VPS13B: variants seen among roughly 807,000 people sequenced by gnomAD.
The protein encoded by VPS13B is vacuolar protein sorting 13 homolog B.
In VPS13B, 285 loss-of-function variants were observed where a neutral mutation model predicts 426.4. The observed-to-expected ratio is 0.67, with a 90% CI of 0.61 to 0.74. VPS13B has a LOEUF of 0.74. Among genes scored for constraint, VPS13B ranks in the 30% least tolerant of loss-of-function variants. The pLI, the probability that VPS13B is intolerant of heterozygous loss-of-function variation, is 0.00. For synonymous variants in VPS13B, 1,676 were observed against 1,676.4 expected (o/e 1.00, Z 0.01); for missense variants, 4,537 against 4,782.6 (o/e 0.95, Z 1.51).
At chr8:99,463,524 A>T (rs1362694918) in intron 23 of VPS13B, among the ~76,000 whole-genome samples, 2 of 152,184 alleles carry the variant, frequency 1.3e-5, no homozygotes, top group Admixed American at 1.3e-4. Context: ...CAGAGCAAAT[A>T]AAACTGAAGG....
chr8:99,702,480 C>T (rs1832322604), intron 36 of VPS13B, among the ~76,000 whole-genome samples: 1 of 152,080 alleles, frequency 6.6e-6, no homozygotes, highest in African/African-American at 2.4e-5. Context: ...ACAGTACAGC[C>T]ATCTGCTGTA....
At chr8:99,837,455 T>C (rs1000285544) in intron 54 of VPS13B, among the ~76,000 whole-genome samples, 2 of 152,188 alleles carry the variant, frequency 1.3e-5, no homozygotes, top group African/African-American at 4.8e-5. Context: ...ATTTTTGAAA[T>C]CTTGCTTATA....
intron 28 of VPS13B, among the ~76,000 whole-genome samples, chr8:99,508,853 C>G (rs1821638923): frequency 6.6e-6 from 1 of 150,686 alleles, no homozygotes; most frequent in Non-Finnish European, 1.5e-5. Flanking sequence ...TTTATATTAC[C>G]TCAACTAGTA....
chr8:99,616,974 A>G (rs1490140610), intron 33 of VPS13B, among the ~76,000 whole-genome samples: 2 of 152,228 alleles, frequency 1.3e-5, no homozygotes, highest in East Asian at 1.9e-4. Flanking sequence ...ATGTCTGACA[A>G]TAGTACAAAA....
intron 57 of VPS13B, among the ~76,000 whole-genome samples, chr8:99,860,109 T>C (rs1429693230): frequency 2.0e-5 from 3 of 152,212 alleles, no homozygotes; most frequent in African/African-American, 7.2e-5. Flanking sequence ...GAGTCCCCTT[T>C]TCTTCTCAGC....
chr8:99,612,688 G>A (rs1366999607), intron 33 of VPS13B, among the ~76,000 whole-genome samples: 1 of 151,998 alleles, frequency 6.6e-6, no homozygotes, highest in East Asian at 1.9e-4. Context: ...ATTTGGAGTG[G>A]GAATACAGTT....
intron 39 of VPS13B, among the ~76,000 whole-genome samples, chr8:99,738,727 A>G (rs138439313): frequency 2.0e-5 from 3 of 152,364 alleles, no homozygotes; most frequent in African/African-American, 4.8e-5. Context: ...TATAAAATAT[A>G]CCTTCATAAA....
At chr8:99,835,832 T>C (rs1006483942) in intron 54 of VPS13B, 94 bp downstream of exon 54, 8 of 1,247,310 alleles carry the variant, frequency 6.4e-6, no homozygotes, top group Non-Finnish European at 8.0e-6. Flanking sequence ...ATTTTCTAAA[T>C]GCTGAACATC....
intron 3 of VPS13B, 70 bp from the exon 4 acceptor site, chr8:99,096,241 TA>T (rs1350977312): frequency 2.3e-5 from 37 of 1,577,828 alleles, no homozygotes; most frequent in Non-Finnish European, 3.0e-5. Context: ...CTGCATATAT[TA>T]AAAAATTTTT....
intron 19 of VPS13B, among the ~76,000 whole-genome samples, chr8:99,319,730 A>G (rs1809872721): frequency 6.6e-6 from 1 of 152,102 alleles, no homozygotes; most frequent in South Asian, 2.1e-4. Context: ...ACAGCCTTGG[A>G]TTTGATTCTT....
intron 19 of VPS13B, among the ~76,000 whole-genome samples, chr8:99,284,566 T>C (rs1819334010): frequency 6.6e-6 from 1 of 152,122 alleles, no homozygotes; most frequent in South Asian, 2.1e-4. Flanking sequence ...TCTTTTTTTC[T>C]TTACTTTTTT....
At chr8:99,241,409 A>G (rs1265826100) in intron 17 of VPS13B, 2 of 152,292 alleles carry the variant, frequency 1.3e-5, no homozygotes, top group South Asian at 4.1e-4. Context: ...TTTTGTGGCT[A>G]GAGTCAGTCA....
At chr8:99,413,166 C>T (rs1413563866) in intron 21 of VPS13B, among the ~76,000 whole-genome samples, 2 of 151,826 alleles carry the variant, frequency 1.3e-5, no homozygotes, top group African/African-American at 2.4e-5. Context: ...TGGTAGAATT[C>T]GTCTTTGAAT....
intron 31 of VPS13B, among the ~76,000 whole-genome samples, chr8:99,563,270 T>A (rs995698371): frequency 6.6e-6 from 1 of 152,226 alleles, no homozygotes; most frequent in Non-Finnish European, 1.5e-5. Flanking sequence ...CTAATATTAT[T>A]CTAGTATATG....
intron 15 of VPS13B, among the ~76,000 whole-genome samples, chr8:99,159,206 C>A (rs1336765061): frequency 6.6e-6 from 1 of 152,308 alleles, no homozygotes; most frequent in East Asian, 1.9e-4. Context: ...TGAATTGCTA[C>A]AATCTCATGA....
chr8:99,410,712 T>C (rs865809834), intron 21 of VPS13B, among the ~76,000 whole-genome samples: 2 of 152,032 alleles, frequency 1.3e-5, no homozygotes, highest in Non-Finnish European at 2.9e-5. Context: ...ATCCCTCCCC[T>C]AGCCTCCCAC....
At chr8:99,861,977 G>A in intron 58 of VPS13B, 31 bp downstream of exon 58, 1 of 1,555,040 alleles carries the variant, frequency 6.4e-7, no homozygotes, top group Non-Finnish European at 8.7e-7. Flanking sequence ...CCACCTGTCT[G>A]TACTCCAGCA....
At chr8:99,340,624 A>G in intron 19 of VPS13B, 1 of 425,854 alleles carries the variant, frequency 2.3e-6, no homozygotes, top group East Asian at 6.4e-5. Context: ...TTTTCCCTTC[A>G]AAGCCAGTAA....
intron 54 of VPS13B, among the ~76,000 whole-genome samples, chr8:99,847,653 G>A (rs953623366): frequency 6.6e-6 from 1 of 152,084 alleles, no homozygotes; most frequent in African/African-American, 2.4e-5. Context: ...AGAGGGAGAA[G>A]GCAGAGATGA....
Sources: gnomAD v4.1 joint callset for allele counts (sites outside exome capture counted in the v4.1 genomes callset) on GRCh38, gnomAD v4.1.1 for gene constraint, MANE v1.5 for transcripts, NCBI Gene and HGNC (gene_info 2026-07-23, HGNC 2026-07-21) for gene names.